HINT1: variants seen among roughly 807,000 people sequenced by gnomAD.
HINT1 encodes adenosine 5'-monophosphoramidase HINT1.
HINT1 carries 12 observed loss-of-function variants against 11.2 expected under a neutral mutation model. The observed-to-expected ratio is 1.07, with a 90% confidence interval of 0.69 to 1.74. The LOEUF (loss-of-function observed/expected upper bound fraction) is 1.74, where lower values mean the gene tolerates loss of function less well. Ranked by LOEUF, HINT1 falls within the 40% of genes most tolerant of loss-of-function variation. The pLI, the probability that HINT1 is intolerant of heterozygous loss-of-function variation, is 0.00. For synonymous variants in HINT1, 42 were observed against 52.6 expected (o/e 0.80, Z 0.87); for missense variants, 150 against 161.8 (o/e 0.93, Z 0.40).
At chr5:131,163,653 T>G (rs949963536) in intron 1 of HINT1, among the ~76,000 whole-genome samples, 3 of 152,182 alleles carry the variant, frequency 2.0e-5, no homozygotes, top group African/African-American at 7.2e-5. Flanking sequence ...TTGATTAATA[T>G]CTATTCTCAC....
intron 1 of HINT1, 33 bp downstream of exon 1, chr5:131,165,062 C>A (rs758841138): frequency 6.2e-7 from 1 of 1,613,152 alleles, no homozygotes; most frequent in Non-Finnish European, 8.5e-7. Context: ...ATACCCACCT[C>A]AGCAGGCGAG....
intron 2 of HINT1, chr5:131,162,187 G>C (rs916185860): frequency 3.8e-6 from 2 of 520,986 alleles, no homozygotes; most frequent in African/African-American, 3.9e-5. Context: ...AGCCAGCCTT[G>C]GTGGCGGGCG....
rs562037948 is a variant in HINT1 at position 131,159,443 on chromosome 5, G to A, written c.*4C>T. ...AAGAAGAGAAAATTATCCCCAAAAC[G>A]TGCTTAACCAGGAGGCCAATGCATT... On this transcript the variant is annotated 3_prime_UTR_variant, in exon 3 of 3. Transcript: ENST00000304043. 1.6e-5 allele frequency: 26 copies of A among 1,608,558 alleles called. No homozygotes were observed. The East Asian group carries it at 3.1e-4, about 19-fold the overall frequency.
intron 1 of HINT1, among the ~76,000 whole-genome samples, chr5:131,163,648 T>TAAAGTGAG (rs1460617452): frequency 2.0e-5 from 3 of 152,210 alleles, no homozygotes; most frequent in African/African-American, 7.2e-5. Flanking sequence ...GATACTTGAT[T>TAAAGTGAG]AATATCTATT....
At chr5:131,164,474 T>G (rs1755338594) in intron 1 of HINT1, among the ~76,000 whole-genome samples, 2 of 152,210 alleles carry the variant, frequency 1.3e-5, no homozygotes, top group Non-Finnish European at 2.9e-5. Context: ...ATCGCCTCGC[T>G]AGCCCAGGGT....
rs183543804 is a variant in HINT1, at chr5:131,160,497, T to C, written c.217-886A>G. On this transcript the variant is annotated intron_variant, in intron 2 of 2. Coordinates refer to ENST00000304043, the MANE Select transcript of HINT1 (RefSeq NM_005340.7). ...TTTCACTGCTTATGCTTTCCCATTATGAGAGAAAAAAGTTGGGAGGGTTAA... is the reference window on the plus strand; with the variant it reads ...TTTCACTGCTTATGCTTTCCCATTACGAGAGAAAAAAGTTGGGAGGGTTAA... Among the ~76,000 whole-genome samples the C allele has an allele frequency of 1.0e-3, 158 of 152,306 alleles. 2 individuals are homozygous for C. The highest frequency in any genetic ancestry group is 3.7e-3 in the African/African-American group (152 of 41,574).
intron 2 of HINT1, 184 bp downstream of exon 2, chr5:131,162,388 C>T: frequency 8.4e-7 from 1 of 1,191,140 alleles, no homozygotes; most frequent in South Asian, 1.3e-5. Flanking sequence ...TCATTCATTG[C>T]TGGTGGGATA....
rs1755188061 is a variant in HINT1 at position 131,159,257 on chromosome 5, A to G, written c.*190T>C. On this transcript the variant is annotated 3_prime_UTR_variant, in exon 3 of 3. Coordinates refer to ENST00000304043, the MANE Select transcript of HINT1 (RefSeq NM_005340.7). ...ATATTCCAACAAATATGTTTTTAAA[A>G]TAACAAATCAAACGCAACACTCAGA... 8 of 484,740 alleles carry G rather than the reference A, an allele frequency of 1.7e-5. No individual in the cohort carries two copies. In the South Asian group the frequency reaches 3.1e-4, roughly 19 times the overall value. The allele number at this position is 484,740 out of a possible 1,614,324, so 30.0% of individuals were successfully genotyped here. A position where few individuals can be genotyped will look rare whatever the true frequency, so the allele number is the denominator to read the frequency against.
In HINT1 at chr5:131,159,240, A is replaced by G. The variant is rs1277161594; in HGVS notation, c.*207T>C. On this transcript the variant is annotated 3_prime_UTR_variant, in exon 3 of 3. Coordinates refer to ENST00000304043, the MANE Select transcript of HINT1 (RefSeq NM_005340.7). ...TATAAACCCACCTTCACATATTCCA[A>G]CAAATATGTTTTTAAAATAACAAAT... 2.2e-5 allele frequency: 10 copies of G among 460,992 alleles called. No individual in the cohort carries two copies. Among genetic ancestry groups the G allele is most frequent in the Admixed American group, 3.6e-5 (1 of 27,774 alleles). The allele number at this position is 460,992 out of a possible 1,614,324, so 28.6% of individuals were successfully genotyped here. A position where few individuals can be genotyped will look rare whatever the true frequency, so the allele number is the denominator to read the frequency against.
At chr5:131,162,529 A>C (rs776900090) in intron 2 of HINT1, 43 bp downstream of exon 2, 1 of 1,608,518 alleles carries the variant, frequency 6.2e-7, no homozygotes, top group African/African-American at 1.3e-5. Context: ...TAATCTCACA[A>C]TTTAAAAAGC....
At chr5:131,162,397 T>A (rs970321528) in intron 2 of HINT1, 175 bp downstream of exon 2, 1 of 1,299,394 alleles carries the variant, frequency 7.7e-7, no homozygotes, top group African/African-American at 1.5e-5. Context: ...GCTGGTGGGA[T>A]ACAAAATGAT....
Position 131,160,902 on chromosome 5 carries a change from G to A in HINT1, c.217-1291C>T, listed in dbSNP as rs115428931. 2,051 of 451,284 alleles carry A rather than the reference G, an allele frequency of 4.5e-3. 42 individuals are homozygous for A. Among genetic ancestry groups the A allele is most frequent in the African/African-American group, 0.037 (1,847 of 50,018 alleles). 28.0% of individuals were successfully genotyped at this position (451,284 alleles called of 1,614,324 possible). A position where few individuals can be genotyped will look rare whatever the true frequency, so the allele number is the denominator to read the frequency against. ...TTGCCCAACTGTAGGTTAACGTTAA[G>A]TGTTCCGAGCAAGCTTAAGTTAGAC... is the stretch of plus-strand genomic sequence containing the variant. On this transcript the variant is annotated intron_variant, in intron 2 of 2. Transcript: ENST00000304043.
chr5:131,161,358 C>A (rs1755241918), intron 2 of HINT1, among the ~76,000 whole-genome samples: 1 of 152,010 alleles, frequency 6.6e-6, no homozygotes, highest in Admixed American at 6.5e-5. Context: ...AATCCCAGCA[C>A]TTTGGAAGGC....
intron 1 of HINT1, among the ~76,000 whole-genome samples, chr5:131,164,537 A>C (rs1002847119): frequency 1.9e-4 from 29 of 151,428 alleles, no homozygotes; most frequent in Admixed American, 1.8e-3. Flanking sequence ...GGCAAGCCGC[A>C]CCCCGCGGAG....
rs186643932 is a variant in HINT1 at position 131,159,395 on chromosome 5, T to C, written c.*52A>G. 4 of 1,535,448 alleles carry C rather than the reference T, an allele frequency of 2.6e-6. No individual in the cohort carries two copies. The highest frequency in any genetic ancestry group is 2.8e-5 in the African/African-American group (2 of 72,556). ...AGTGTGTTACTTAACATACTGGAAA[T>C]TGCCTAACTTAATCATTGCCTAAAG... is the stretch of plus-strand genomic sequence containing the variant. On this transcript the variant is annotated 3_prime_UTR_variant, in exon 3 of 3. Coordinates refer to ENST00000304043, the MANE Select transcript of HINT1 (RefSeq NM_005340.7).
chr5:131,163,132 C>T (rs955923082), intron 1 of HINT1, among the ~76,000 whole-genome samples: 5 of 152,114 alleles, frequency 3.3e-5, no homozygotes, highest in African/African-American at 1.2e-4. Flanking sequence ...CTACTGCACC[C>T]GGACTCCATG....
At chr5:131,165,044 C>A in intron 1 of HINT1, 51 bp downstream of exon 1, 1 of 1,610,732 alleles carries the variant, frequency 6.2e-7, no homozygotes, top group East Asian at 2.2e-5. Context: ...CCCGAGGATC[C>A]GCGGACGATA....
Position 131,159,332 on chromosome 5 carries a change from AATT to A in HINT1, c.*112_*114del. 1 of 818,644 alleles carries A rather than the reference AATT, an allele frequency of 1.2e-6. No homozygotes were observed. Among genetic ancestry groups the A allele is most frequent in the African/African-American group, 1.7e-5 (1 of 58,364 alleles). 50.7% of individuals were successfully genotyped at this position (818,644 alleles called of 1,614,324 possible). A position where few individuals can be genotyped will look rare whatever the true frequency, so the allele number is the denominator to read the frequency against. ...TCTTTTATTATGTATGCGGTTTTAA[AATT>A]ATTTCTTGAATCTCTCCATACACAG... On this transcript the variant is annotated 3_prime_UTR_variant, in exon 3 of 3. Coordinates refer to ENST00000304043, the MANE Select transcript of HINT1 (RefSeq NM_005340.7).
At chr5:131,164,956 G>A in intron 1 of HINT1, 139 bp downstream of exon 1, 2 of 1,274,154 alleles carry the variant, frequency 1.6e-6, no homozygotes, top group South Asian at 1.4e-5. Flanking sequence ...CGCTGGCTGG[G>A]GGCCCGCTGG....
Sources: allele counts gnomAD v4.1 joint callset (sites outside exome capture counted in the v4.1 genomes callset), GRCh38; gene constraint gnomAD v4.1.1; transcripts MANE v1.5; gene names NCBI Gene and HGNC (gene_info 2026-07-23, HGNC 2026-07-21).